MBTD1: variants seen among roughly 807,000 people sequenced by gnomAD.
MBTD1 encodes mbt domain containing 1.
A neutral mutation model predicts 87.8 loss-of-function variants in MBTD1; 24 were observed. The ratio of observed to expected loss-of-function variants is 0.27; its 90% CI spans 0.20 to 0.38. The LOEUF (loss-of-function observed/expected upper bound fraction) is 0.38. Ranked by LOEUF, MBTD1 falls within the 10% of genes least tolerant of loss-of-function variation. The pLI is 1.00. For synonymous variants in MBTD1, 237 were observed against 248.6 expected, an observed-to-expected ratio of 0.95 and a Z score of 0.44; for missense variants, 436 against 760.2, an observed-to-expected ratio of 0.57 and a Z score of 5.02.
At chr17:51,236,209 T>A (rs748404507) in intron 2 of MBTD1, among the ~76,000 whole-genome samples, 30 of 152,138 alleles carry the variant, frequency 2.0e-4, no homozygotes, top group Non-Finnish European at 4.4e-5. Flanking sequence ...AGTGTTTTGT[T>A]CACACTGCTT....
At chr17:51,229,022 A>G (rs951917096) in intron 2 of MBTD1, among the ~76,000 whole-genome samples, 1 of 151,954 alleles carries the variant, frequency 6.6e-6, no homozygotes. Context: ...CAGAAAAAAA[A>G]AAACAAGAAA....
intron 2 of MBTD1, among the ~76,000 whole-genome samples, chr17:51,258,555 G>A (rs2055229851): frequency 6.6e-6 from 1 of 151,496 alleles, no homozygotes; most frequent in Admixed American, 6.6e-5. Flanking sequence ...GCCCTTGGAG[G>A]AAAGACTAGC....
intron 12 of MBTD1, among the ~76,000 whole-genome samples, chr17:51,195,906 G>C (rs2051072108): frequency 6.6e-6 from 1 of 152,086 alleles, no homozygotes. Flanking sequence ...GTTGTAACAA[G>C]TACCCAACTC....
chr17:51,196,058 C>G, intron 12 of MBTD1, among the ~76,000 whole-genome samples: 1 of 152,032 alleles, frequency 6.6e-6, no homozygotes, highest in Non-Finnish European at 1.5e-5. Flanking sequence ...CAGGTGCATG[C>G]CATCACACTC....
intron 12 of MBTD1, among the ~76,000 whole-genome samples, chr17:51,197,087 T>C (rs1388673911): frequency 2.5e-4 from 3 of 11,954 alleles, no homozygotes; most frequent in South Asian, 1.9e-3. Context: ...TATATATATA[T>C]ATATATATAT....
intron 5 of MBTD1, 119 bp from the exon 6 acceptor site, chr17:51,217,535 T>C: frequency 1.8e-6 from 1 of 547,030 alleles, no homozygotes. Context: ...AAAGAACGTT[T>C]TCTTTATGTA....
rs768510881 is a variant in MBTD1, at chr17:51,201,556, A to G, written c.1224+36T>C. On this transcript the variant is annotated intron_variant, in intron 12 of 16. Transcript: ENST00000586178. ...CTATTAGCTTATACCCAAATCCTAT[A>G]ATTGCATTTCTATATTTTAAAACCT... 7.4e-6 allele frequency: 10 copies of G among 1,358,898 alleles called. 1 individual carries two copies. In the Middle Eastern group the frequency reaches 5.5e-4, roughly 75 times the overall value. The allele number at this position is 1,358,898 out of a possible 1,614,324, so 84.2% of individuals were successfully genotyped here.
chr17:51,201,455 T>C, intron 12 of MBTD1, 137 bp downstream of exon 12: 1 of 506,594 alleles, frequency 2.0e-6, no homozygotes, highest in Non-Finnish European at 3.4e-6. Flanking sequence ...ATTTTGAAAT[T>C]CCTAGCAACC....
intron 16 of MBTD1, among the ~76,000 whole-genome samples, chr17:51,187,219 A>T (rs1316635215): frequency 2.0e-5 from 3 of 152,084 alleles, no homozygotes; most frequent in South Asian, 4.1e-4. Context: ...GCTTCAGGCC[A>T]GGAGTTTCAG....
intron 16 of MBTD1, among the ~76,000 whole-genome samples, chr17:51,181,227 A>C (rs1463520651): frequency 2.0e-5 from 3 of 152,004 alleles, no homozygotes; most frequent in Admixed American, 1.3e-4. Context: ...GGGTTTCATC[A>C]TGTTGGCCAG....
chr17:51,187,869 A>G (rs2050617992), intron 16 of MBTD1, among the ~76,000 whole-genome samples: 1 of 151,388 alleles, frequency 6.6e-6, no homozygotes, highest in Admixed American at 6.6e-5. Flanking sequence ...AAAGAAAGAA[A>G]AAAAAAAAAA....
At chr17:51,185,587 T>C (rs1260200765) in intron 16 of MBTD1, 1 of 152,234 alleles carries the variant, frequency 6.6e-6, no homozygotes, top group Non-Finnish European at 1.5e-5. Flanking sequence ...AAAATTAAAC[T>C]AGAACTCAAA....
chr17:51,252,009 C>T (rs949521187), intron 2 of MBTD1, among the ~76,000 whole-genome samples: 2 of 152,210 alleles, frequency 1.3e-5, no homozygotes, highest in South Asian at 2.1e-4. Context: ...AAGTGATTGG[C>T]CCACTTCGGC....
chr17:51,200,263 T>C (rs547239236), intron 12 of MBTD1, among the ~76,000 whole-genome samples: 2 of 152,048 alleles, frequency 1.3e-5, no homozygotes, highest in East Asian at 3.9e-4. Context: ...CCTGAGACCT[T>C]AAAAAAATGC....
chr17:51,201,627 T>G lies in MBTD1; in HGVS notation c.1189A>C (p.Asn397His). 1 of 1,610,544 alleles carries G rather than the reference T, an allele frequency of 6.2e-7. No individual in the cohort carries two copies. The highest frequency in any genetic ancestry group is 8.5e-7 in the Non-Finnish European group (1 of 1,178,190). ...GMKLEAIDPL[N>H]LSTICVATIR... ...GTTGCGACACATATTGTAGAAAGAT[T>G]TAATGGGTCTATAGCTTCCAATTTC... is the stretch of plus-strand genomic sequence containing the variant. The change falls in exon 12 of 17, where the codon AAT becomes CAT. Residue 397 changes from asparagine (N) to histidine (H), a missense_variant. By Grantham distance (68) the Asn-to-His change is moderately conservative. Around this residue, in one of 5 missense-constraint regions of MBTD1, gnomAD observed 268 missense variants for 401.8 expected, o/e 0.67. Coordinates refer to ENST00000586178, the MANE Select transcript of MBTD1 (RefSeq NM_017643.3).
At chr17:51,215,210 T>C (rs781641507) in intron 6 of MBTD1, among the ~76,000 whole-genome samples, 1 of 152,210 alleles carries the variant, frequency 6.6e-6, no homozygotes, top group African/African-American at 2.4e-5. Flanking sequence ...CACATTCTTA[T>C]CATTAATCAT....
At chr17:51,222,645 G>A (rs1458492145) in intron 3 of MBTD1, among the ~76,000 whole-genome samples, 3 of 151,880 alleles carry the variant, frequency 2.0e-5, no homozygotes, top group African/African-American at 4.8e-5. Context: ...CAATCTGCCC[G>A]CCTCAGCCTC....
At chr17:51,193,284 T>A (rs1214553562) in intron 14 of MBTD1, 144 bp downstream of exon 14, 1 of 525,064 alleles carries the variant, frequency 1.9e-6, no homozygotes, top group Non-Finnish European at 3.1e-6. Flanking sequence ...AAGAAAATAT[T>A]TATATTGTTT....
At chr17:51,193,130 C>T (rs966908509) in intron 14 of MBTD1, 114 bp from the exon 15 acceptor site, 1 of 721,838 alleles carries the variant, frequency 1.4e-6, no homozygotes, top group Admixed American at 2.5e-5. Flanking sequence ...TAATTATAAA[C>T]CATAAATTCC....
Sources: allele counts gnomAD v4.1 joint callset (sites outside exome capture counted in the v4.1 genomes callset), GRCh38; gene constraint gnomAD v4.1.1; regional missense constraint gnomAD v4.1.1; transcripts MANE v1.5; gene names NCBI Gene and HGNC (gene_info 2026-07-23, HGNC 2026-07-21).